PTK2: variants seen among roughly 807,000 people sequenced by gnomAD.
PTK2 encodes protein tyrosine kinase 2, also known as focal adhesion kinase 1.
PTK2 carries 45 observed loss-of-function variants against 150.1 expected under a neutral mutation model. The ratio of observed to expected loss-of-function variants is 0.30; its 90% CI spans 0.24 to 0.38. PTK2 has a LOEUF of 0.38. PTK2 is among the 10% of genes least tolerant of loss of function. The pLI, the probability that PTK2 is intolerant of heterozygous loss-of-function variation, is 1.00. For missense variants in PTK2, 919 were observed against 1,307.3 expected, an observed-to-expected ratio of 0.70 and a Z score of 4.58; for synonymous variants, 432 against 449.2, an observed-to-expected ratio of 0.96 and a Z score of 0.48.
At chr8:140,891,863 G>T (rs2100154364) in intron 2 of PTK2, among the ~76,000 whole-genome samples, 1 of 152,200 alleles carries the variant, frequency 6.6e-6, no homozygotes, top group Admixed American at 6.5e-5. Context: ...ACAGCTGGGT[G>T]CAGAAGCAAA....
At chr8:140,662,498 G>C in intron 31 of PTK2, 1 of 397,904 alleles carries the variant, frequency 2.5e-6, no homozygotes, top group East Asian at 3.6e-5. Context: ...GGGCAAAACT[G>C]AGGCTTGTCA....
chr8:140,957,009 C>T (rs1371382493), intron 1 of PTK2, among the ~76,000 whole-genome samples: 1 of 151,818 alleles, frequency 6.6e-6, no homozygotes, highest in Non-Finnish European at 1.5e-5. Flanking sequence ...TGCAGTGAGC[C>T]GAGATGATGC....
chr8:140,777,208 A>C (rs1363508466), intron 14 of PTK2, among the ~76,000 whole-genome samples: 1 of 152,216 alleles, frequency 6.6e-6, no homozygotes, highest in East Asian at 1.9e-4. Flanking sequence ...AAGACGTTTT[A>C]ATTGGTTCAC....
intron 7 of PTK2, among the ~76,000 whole-genome samples, chr8:140,834,088 C>G (rs1452240133): frequency 6.6e-6 from 1 of 152,192 alleles, no homozygotes; most frequent in African/African-American, 2.4e-5. Flanking sequence ...GGCTACCAAA[C>G]TAGGTGGGGC....
chr8:140,854,173 T>G (rs903287865), intron 5 of PTK2, among the ~76,000 whole-genome samples: 1 of 152,230 alleles, frequency 6.6e-6, no homozygotes, highest in Non-Finnish European at 1.5e-5. Flanking sequence ...AAACCACTGA[T>G]TATTTAATGT....
chr8:140,883,642 G>T (rs971418604), intron 3 of PTK2, among the ~76,000 whole-genome samples: 3 of 152,136 alleles, frequency 2.0e-5, no homozygotes, highest in African/African-American at 7.2e-5. Flanking sequence ...TTATCAAAAA[G>T]AAAGATCCAG....
chr8:140,830,549 TTAACAAA>T lies in PTK2; in HGVS notation c.594-30_594-24del, dbSNP rs367646623. Reference sequence around the variant, plus strand: ...TTTCTGAAATATAAAAAGAAGCGTATTAACAAATAACACCACCAAATCAATTAATATG... The same window carrying T: ...TTTCTGAAATATAAAAAGAAGCGTATTAACACCACCAAATCAATTAATATG... On this transcript the variant is annotated intron_variant, in intron 7 of 31. Transcript: ENST00000522684. 8.5e-4 allele frequency: 1,159 copies of T among 1,363,138 alleles called. 7 individuals carry two copies. The African/African-American group carries it at 0.016, about 18-fold the overall frequency. The allele number at this position is 1,363,138 out of a possible 1,614,324, so 84.4% of individuals were successfully genotyped here. A position where few individuals can be genotyped will look rare whatever the true frequency, so the allele number is the denominator to read the frequency against.
intron 22 of PTK2, among the ~76,000 whole-genome samples, chr8:140,731,169 A>G (rs750646237): frequency 7.2e-5 from 11 of 152,190 alleles, no homozygotes; most frequent in African/African-American, 2.4e-4. Flanking sequence ...CATGTTGGCC[A>G]GGTTTGTCTC....
At chr8:140,848,362 T>TA (rs1185847430) in intron 5 of PTK2, among the ~76,000 whole-genome samples, 1 of 152,250 alleles carries the variant, frequency 6.6e-6, no homozygotes, top group Non-Finnish European at 1.5e-5. Context: ...TATGTGCTAT[T>TA]ACTGATCTAA....
intron 2 of PTK2, among the ~76,000 whole-genome samples, chr8:140,891,195 T>C (rs2100154142): frequency 6.6e-6 from 1 of 152,076 alleles, no homozygotes; most frequent in Admixed American, 6.6e-5. Context: ...ACAAATTCAA[T>C]GAGTATTCAT....
At chr8:140,972,181 C>G (rs1315130913) in intron 1 of PTK2, among the ~76,000 whole-genome samples, 3 of 126,746 alleles carry the variant, frequency 2.4e-5, no homozygotes, top group African/African-American at 7.4e-5. Context: ...TATCCACCTC[C>G]TCCCCTAAAA....
Position 140,701,125 on chromosome 8 carries a change from G to A in PTK2, c.2368-103C>T, listed in dbSNP as rs1023512078. ...CAAGAAAAGATAAGCAAAACAGCAA[G>A]TATGAGAAACAGGATCTCTCATACT... On this transcript the variant is annotated intron_variant, in intron 25 of 31. Coordinates refer to ENST00000522684, the Ensembl canonical transcript of PTK2. 7 of 1,312,498 alleles carry A rather than the reference G, an allele frequency of 5.3e-6. No homozygotes were observed. The African/African-American group carries it at 9.0e-5, about 17-fold the overall frequency. The allele number at this position is 1,312,498 out of a possible 1,614,324, so 81.3% of individuals were successfully genotyped here. A position where few individuals can be genotyped will look rare whatever the true frequency, so the allele number is the denominator to read the frequency against.
At chr8:140,808,775 G>A (rs1338512377) in intron 10 of PTK2, among the ~76,000 whole-genome samples, 4 of 129,920 alleles carry the variant, frequency 3.1e-5, no homozygotes, top group South Asian at 2.4e-4. Flanking sequence ...TCACTCTGTC[G>A]TCCAGCATGG....
At chr8:140,871,894 C>T (rs560885773) in intron 4 of PTK2, among the ~76,000 whole-genome samples, 1 of 151,952 alleles carries the variant, frequency 6.6e-6, no homozygotes, top group Non-Finnish European at 1.5e-5. Context: ...AACTATTTAA[C>T]CAAGATTTTC....
At chr8:140,994,441 A>G (rs916145984) in intron 1 of PTK2, among the ~76,000 whole-genome samples, 5 of 152,222 alleles carry the variant, frequency 3.3e-5, no homozygotes, top group African/African-American at 9.6e-5. Flanking sequence ...TCTGTGCTAC[A>G]TTTTGGTAAT....
intron 1 of PTK2, among the ~76,000 whole-genome samples, chr8:140,995,950 T>G (rs1043317682): frequency 1.3e-5 from 2 of 152,140 alleles, no homozygotes; most frequent in African/African-American, 4.8e-5. Flanking sequence ...CCGGGTGCAG[T>G]GGCTCACACC....
intron 2 of PTK2, among the ~76,000 whole-genome samples, chr8:140,901,924 T>G (rs1011696825): frequency 2.0e-5 from 3 of 152,180 alleles, no homozygotes; most frequent in African/African-American, 4.8e-5. Context: ...TTTCTGTTCC[T>G]GTGTTAGTTT....
intron 4 of PTK2, among the ~76,000 whole-genome samples, chr8:140,875,949 A>G (rs1197403547): frequency 6.6e-6 from 1 of 152,252 alleles, no homozygotes; most frequent in African/African-American, 2.4e-5. Context: ...AGGAATATTT[A>G]TTAAATTCTT....
chr8:140,845,764 C>T (rs2100125060), intron 7 of PTK2, among the ~76,000 whole-genome samples: 1 of 152,102 alleles, frequency 6.6e-6, no homozygotes, highest in Non-Finnish European at 1.5e-5. Flanking sequence ...GGTTTCTAGC[C>T]TCCCACGACA....
Sources: allele counts gnomAD v4.1 joint callset (sites outside exome capture counted in the v4.1 genomes callset), GRCh38; gene constraint gnomAD v4.1.1; transcripts MANE v1.5; gene names NCBI Gene and HGNC (gene_info 2026-07-23, HGNC 2026-07-21).